BIK: variants seen among roughly 807,000 people sequenced by gnomAD.
The protein encoded by BIK is bcl-2-interacting killer.
A neutral mutation model predicts 12.1 loss-of-function variants in BIK; 14 were observed. That is an observed-to-expected ratio of 1.16 (90% confidence interval 0.77 to 1.81). The LOEUF (loss-of-function observed/expected upper bound fraction) is 1.81. BIK is among the 40% of genes most tolerant of loss of function. BIK has a pLI of 0.00. For synonymous variants in BIK, 86 were observed against 92.3 expected (o/e 0.93, Z 0.39); for missense variants, 215 against 207.9 (o/e 1.03, Z -0.21).
chr22:43,117,356 G>A (rs371785797), intron 1 of BIK, among the ~76,000 whole-genome samples: 1 of 150,716 alleles, frequency 6.6e-6, no homozygotes, highest in East Asian at 1.9e-4. Flanking sequence ...TACATACTAC[G>A]GATTTTTTTT....
chr22:43,127,483 C>T (rs1379092850), intron 2 of BIK, among the ~76,000 whole-genome samples: 1 of 152,212 alleles, frequency 6.6e-6, no homozygotes, highest in Non-Finnish European at 1.5e-5. Context: ...CCTCTGGGGC[C>T]ACCCACGGAT....
rs564303287 is a variant in BIK at position 43,125,104 on chromosome 22, C to T, written c.161+921C>T. ...CGTTGCCGTGGCATTTGTAAACTGT[C>T]GTGGCACTGGTGAGTGACTCCAACA... On this transcript the variant is annotated intron_variant, in intron 2 of 4. Coordinates refer to ENST00000216115, the MANE Select transcript of BIK (RefSeq NM_001197.5). Among the ~76,000 whole-genome samples, 18 of 152,234 alleles carry T rather than the reference C, an allele frequency of 1.2e-4. No individual in the cohort carries two copies. The South Asian group carries it at 1.2e-3, about 11-fold the overall frequency.
chr22:43,128,381 G>A, intron 3 of BIK, 115 bp from the exon 4 acceptor site: 6 of 1,354,498 alleles, frequency 4.4e-6, no homozygotes, highest in Non-Finnish European at 6.2e-6. Context: ...GTGGCTGTGG[G>A]GTGGGAGGGC....
At chr22:43,117,662 G>A (rs1930142847) in intron 1 of BIK, among the ~76,000 whole-genome samples, 1 of 151,324 alleles carries the variant, frequency 6.6e-6, no homozygotes, top group Non-Finnish European at 1.5e-5. Flanking sequence ...GAGCCACCGC[G>A]CCCGGCCCAT....
chr22:43,127,076 G>A (rs979682023), intron 2 of BIK, among the ~76,000 whole-genome samples: 1 of 152,160 alleles, frequency 6.6e-6, no homozygotes, highest in Non-Finnish European at 1.5e-5. Context: ...AAGCTGGGAG[G>A]GTGGGGAGTG....
Position 43,124,183 on chromosome 22 carries a change from G to C in BIK, c.161G>C (p.Ser54Thr). ...DFDSLECMEG[S>T]DALALRLACI... The stretch of plus-strand genomic sequence containing the variant: ...GATTCTTTGGAATGCATGGAGGGCA[G>C]GTAGGTCCCCATGGCCTGCCCTACC... The change falls in exon 2 of 5, where the codon AGT becomes ACT. Residue 54 changes from serine (S) to threonine (T), a missense_variant and splice_region_variant. Ser to Thr is a moderately conservative substitution (Grantham distance 58). Coordinates refer to ENST00000216115, the MANE Select transcript of BIK (RefSeq NM_001197.5). 1 of 1,613,952 alleles carries C rather than the reference G, an allele frequency of 6.2e-7. No individual in the cohort carries two copies. Among genetic ancestry groups the C allele is most frequent in the Non-Finnish European group, 8.5e-7 (1 of 1,179,950 alleles).
intron 1 of BIK, among the ~76,000 whole-genome samples, chr22:43,119,210 G>T (rs749907478): frequency 1.3e-5 from 2 of 151,928 alleles, no homozygotes; most frequent in Non-Finnish European, 2.9e-5. Flanking sequence ...GGCTAAGTGC[G>T]GGCTGTAGCC....
chr22:43,129,299 CAA>C lies in BIK; in HGVS notation c.478_479del (p.Lys160ValfsTer15). 6.3e-7 allele frequency: 1 copy of C among 1,599,174 alleles called. No homozygotes were observed. The highest frequency in any genetic ancestry group is 8.5e-7 in the Non-Finnish European group (1 of 1,178,956). On this transcript the variant is annotated frameshift_variant, in exon 5 of 5. Transcript: ENST00000216115. LOFTEE classifies it high-confidence loss of function. ...TCAGCGGGGGCCTGCACCTGCTGCT[CAA>C]GTGAGGCCCCGGCGGCTCAGGGCGG... The part of the protein sequence containing the change: ...LLSGGLHLLL[K>X]
chr22:43,120,535 C>G (rs1930200364), intron 1 of BIK, among the ~76,000 whole-genome samples: 1 of 152,222 alleles, frequency 6.6e-6, no homozygotes, highest in South Asian at 2.1e-4. Flanking sequence ...AGGGTTGAGG[C>G]TGCTACCTTG....
rs1930346375 is a variant in BIK, at chr22:43,127,731, G to A, written c.196G>A (p.Asp66Asn). The A allele has an allele frequency of 1.3e-6, 2 of 1,555,650 alleles. No homozygotes were observed. The highest frequency in any genetic ancestry group is 1.4e-5 in the African/African-American group (1 of 73,320). ...ALALRLACIGDEMDVSLRAPR... is the reference protein window; with the variant it reads ...ALALRLACIGNEMDVSLRAPR... ...GGCCCTGCGGCTGGCCTGCATCGGG[G>A]ACGAGATGGACGTGAGCCTCAGGGC... The change falls in exon 3 of 5, where the codon GAC becomes AAC. Residue 66 changes from aspartate to asparagine, a missense_variant. Coordinates refer to ENST00000216115, the MANE Select transcript of BIK (RefSeq NM_001197.5).
At chr22:43,115,793 G>T (rs1367283337) in intron 1 of BIK, among the ~76,000 whole-genome samples, 1 of 151,642 alleles carries the variant, frequency 6.6e-6, no homozygotes, top group Admixed American at 6.6e-5. Flanking sequence ...GTCTTGCTCT[G>T]TTGCCCAGGT....
rs568156294 is a variant in BIK, at chr22:43,128,749, T to C, written c.390+124T>C. The C allele has an allele frequency of 4.4e-6, 6 of 1,369,846 alleles. No homozygotes were observed. The African/African-American group carries it at 7.3e-5, about 17-fold the overall frequency. 84.9% of individuals were successfully genotyped at this position (1,369,846 alleles called of 1,614,324 possible). On this transcript the variant is annotated intron_variant, in intron 4 of 4. Transcript: ENST00000216115. ...ATCATCTGTGTCACCTGTGTCCACA[T>C]CTGCCTGATCCCATGGGCTTTTGGG... is the stretch of plus-strand genomic sequence containing the variant.
intron 1 of BIK, among the ~76,000 whole-genome samples, chr22:43,115,888 C>G (rs533536483): frequency 3.7e-4 from 56 of 152,192 alleles, no homozygotes; most frequent in African/African-American, 1.3e-3. Context: ...TCCCGAGTAG[C>G]TTGGACTACA....
At chr22:43,124,688 T>TC (rs1403580037) in intron 2 of BIK, among the ~76,000 whole-genome samples, 1 of 152,070 alleles carries the variant, frequency 6.6e-6, no homozygotes, top group African/African-American at 2.4e-5. Context: ...GGTCAGGAGC[T>TC]CGAGACCAGC....
chr22:43,114,410 C>G lies in BIK; in HGVS notation c.-8+3607C>G, dbSNP rs532558686. 2.3e-4 allele frequency among the ~76,000 whole-genome samples: 35 copies of G among 152,268 alleles called. 1 individual carries two copies. In the South Asian group the frequency reaches 7.1e-3, roughly 31 times the overall value. ...CTCTGCCTCCCGGGTTCAGGTGATT[C>G]TCCTGCCTCAGCCTCCCGAGTAGCT... On this transcript the variant is annotated intron_variant, in intron 1 of 4. Coordinates refer to ENST00000216115, the MANE Select transcript of BIK (RefSeq NM_001197.5).
intron 1 of BIK, among the ~76,000 whole-genome samples, chr22:43,118,114 G>A (rs375206056): frequency 2.6e-5 from 4 of 152,162 alleles, no homozygotes; most frequent in South Asian, 2.1e-4. Context: ...ACAGCACAGC[G>A]GTGCCTGTGA....
chr22:43,115,239 C>T lies in BIK; in HGVS notation c.-8+4436C>T, dbSNP rs561240605. Among the ~76,000 whole-genome samples the T allele has an allele frequency of 1.6e-4, 25 of 152,178 alleles. No individual in the cohort carries two copies. In the South Asian group the frequency reaches 5.2e-3, roughly 32 times the overall value. On this transcript the variant is annotated intron_variant, in intron 1 of 4. Transcript: ENST00000216115. Reference sequence around the variant, plus strand: ...AGGGTGGGGAGGAAGTGACTTGTGCCTGAGCCCCAAGGAAGCAGTGAGTCC... The same window carrying T: ...AGGGTGGGGAGGAAGTGACTTGTGCTTGAGCCCCAAGGAAGCAGTGAGTCC...
At chr22:43,126,874 G>A (rs1930325932) in intron 2 of BIK, among the ~76,000 whole-genome samples, 1 of 152,140 alleles carries the variant, frequency 6.6e-6, no homozygotes, top group African/African-American at 2.4e-5. Context: ...GCCCACACCT[G>A]TACCCCTCCC....
In BIK at chr22:43,125,729, AAG is replaced by A. The variant is rs150138489; in HGVS notation, c.161+1550_161+1551del. 2.0e-5 allele frequency among the ~76,000 whole-genome samples: 3 copies of A among 152,160 alleles called. No homozygotes were observed. The East Asian group carries it at 5.8e-4, about 29-fold the overall frequency. On this transcript the variant is annotated intron_variant, in intron 2 of 4. Coordinates refer to ENST00000216115, the MANE Select transcript of BIK (RefSeq NM_001197.5). ...AGAGTAAGACTCCGTTTCACAAAAA[AAG>A]AGAAAGAGAAAAGAAAGAAAGAAAA... is the stretch of plus-strand genomic sequence containing the variant.
Sources: allele counts gnomAD v4.1 joint callset (sites outside exome capture counted in the v4.1 genomes callset), GRCh38; gene constraint gnomAD v4.1.1; transcripts MANE v1.5; gene names NCBI Gene and HGNC (gene_info 2026-07-23, HGNC 2026-07-21).